The following PCDHA6 variants were observed in gnomAD, a reference collection of about 807,000 sequenced individuals.
PCDHA6 encodes the protein protocadherin alpha-6.
PCDHA6 carries 55 observed loss-of-function variants against 60.3 expected under a neutral mutation model. The observed-to-expected ratio is 0.91, with a 90% CI of 0.73 to 1.14. The LOEUF is 1.14. Among genes scored for constraint, PCDHA6 ranks in the 50% most tolerant of loss-of-function variants. The pLI is 0.00. For missense variants in PCDHA6, 1,327 were observed against 1,256.5 expected (o/e 1.06, Z -0.85); for synonymous variants, 652 against 557.9 (o/e 1.17, Z -2.38).
chr5:140,855,323 G>C lies in PCDHA6; in HGVS notation c.2394+24838G>C, dbSNP rs186152172. The stretch of plus-strand genomic sequence containing the variant: ...TTATAAAATTGGAACATGAGGGAGG[G>C]AGAGGTTAAACGATTTTCCCAAGTC... On this transcript the variant is annotated intron_variant, in intron 1 of 3. Transcript: ENST00000529310. 5.3e-5 allele frequency among the ~76,000 whole-genome samples: 8 copies of C among 149,960 alleles called. 1 individual carries two copies. The highest frequency in any genetic ancestry group is 7.5e-5 in the Non-Finnish European group (5 of 67,078).
chr5:140,938,797 G>A (rs76361474), intron 1 of PCDHA6, among the ~76,000 whole-genome samples: 2 of 151,926 alleles, frequency 1.3e-5, no homozygotes, highest in East Asian at 1.9e-4. Flanking sequence ...TGAAATAATC[G>A]GTACCACAAA....
intron 1 of PCDHA6, among the ~76,000 whole-genome samples, chr5:140,963,536 T>G (rs2095772178): frequency 6.6e-6 from 1 of 152,230 alleles, no homozygotes; most frequent in African/African-American, 2.4e-5. Flanking sequence ...TCCCATTTAC[T>G]TCATGATATA....
At chr5:140,920,855 A>AC (rs1163764054) in intron 1 of PCDHA6, among the ~76,000 whole-genome samples, 5 of 151,976 alleles carry the variant, frequency 3.3e-5, no homozygotes, top group African/African-American at 4.8e-5. Context: ...AAAAAAAAAA[A>AC]AAACAAACAA....
At chr5:140,842,736 G>A in intron 1 of PCDHA6, 1 of 1,594,954 alleles carries the variant, frequency 6.3e-7, no homozygotes, top group South Asian at 1.1e-5. Context: ...CCGCCGGGCT[G>A]CCACATCTTC....
At position 140,878,750 on chromosome 5, in the gene PCDHA6, T is replaced by A. The variant is rs143616284; in HGVS notation, c.2394+48265T>A. ...AGCCTTATATCTACTTTCTTACATATCTTTAGTTTAGGATCTGGAATATAG... is the reference window on the plus strand; with the variant it reads ...AGCCTTATATCTACTTTCTTACATAACTTTAGTTTAGGATCTGGAATATAG... On this transcript the variant is annotated intron_variant, in intron 1 of 3. Coordinates refer to ENST00000529310, the MANE Select transcript of PCDHA6 (RefSeq NM_018909.4). Among the ~76,000 whole-genome samples, 863 of 152,338 alleles carry A rather than the reference T, an allele frequency of 5.7e-3. 5 individuals are homozygous for A. Among genetic ancestry groups the A allele is most frequent in the Middle Eastern group, 0.014 (4 of 294 alleles).
Position 141,011,113 on chromosome 5 carries a change from GAAAC to G in PCDHA6, c.*1179_*1182del, listed in dbSNP as rs1378492452. 6.5e-6 allele frequency: 1 copy of G among 153,504 alleles called. No homozygotes were observed. The highest frequency in any genetic ancestry group is 2.4e-5 in the African/African-American group (1 of 41,342). 9.5% of individuals were successfully genotyped at this position (153,504 alleles called of 1,614,324 possible). A position where few individuals can be genotyped will look rare whatever the true frequency, so the allele number is the denominator to read the frequency against. ...TTCTCTCTCTCTCTCTCTTTTCTAA[GAAAC>G]AATTATGTGCACTTTGATACACAAC... On this transcript the variant is annotated 3_prime_UTR_variant, in exon 4 of 4. Coordinates refer to ENST00000529310, the MANE Select transcript of PCDHA6 (RefSeq NM_018909.4).
At chr5:140,940,994 G>A (rs1375374431) in intron 1 of PCDHA6, among the ~76,000 whole-genome samples, 1 of 152,094 alleles carries the variant, frequency 6.6e-6, no homozygotes, top group Non-Finnish European at 1.5e-5. Context: ...AAGTTTATAG[G>A]ATTAAATTTT....
intron 1 of PCDHA6, among the ~76,000 whole-genome samples, chr5:140,958,345 C>G (rs1220590485): frequency 6.6e-6 from 1 of 152,044 alleles, no homozygotes; most frequent in African/African-American, 2.4e-5. Flanking sequence ...ACAGGAAGTT[C>G]ACAGTCTGAC....
At chr5:140,997,833 A>G (rs2097787444) in intron 3 of PCDHA6, among the ~76,000 whole-genome samples, 1 of 152,230 alleles carries the variant, frequency 6.6e-6, no homozygotes. Flanking sequence ...TCTAAACAAT[A>G]CAATATACAT....
chr5:140,866,677 G>A (rs782218499), intron 1 of PCDHA6: 2 of 152,084 alleles, frequency 1.3e-5, no homozygotes, highest in African/African-American at 2.4e-5. Context: ...AATAGCACTA[G>A]GTCTGTTAGA....
chr5:140,834,255 C>T, intron 1 of PCDHA6: 1 of 936,844 alleles, frequency 1.1e-6, no homozygotes, highest in South Asian at 1.7e-5. Context: ...TGGAAAGACG[C>T]TCCACTCTCT....
intron 1 of PCDHA6, among the ~76,000 whole-genome samples, chr5:140,955,335 A>G (rs538609650): frequency 6.6e-6 from 1 of 152,266 alleles, no homozygotes; most frequent in South Asian, 2.1e-4. Flanking sequence ...AGTTCCCATA[A>G]TCCCCACATG....
intron 1 of PCDHA6, among the ~76,000 whole-genome samples, chr5:140,903,580 G>T (rs2070406453): frequency 6.6e-6 from 1 of 152,154 alleles, no homozygotes; most frequent in South Asian, 2.1e-4. Context: ...CTGTCTAGCT[G>T]GTGTTGGCCT....
chr5:140,937,911 C>CAA lies in PCDHA6; in HGVS notation c.2395-41023_2395-41022dup, dbSNP rs200797202. On this transcript the variant is annotated intron_variant, in intron 1 of 3. Transcript: ENST00000529310. Reference sequence around the variant, plus strand: ...TGGGCGACAGAGTGAGACTCCGTCTCAAAAAAAAAAAAAAAAGTTTAATTT... The same window carrying CAA: ...TGGGCGACAGAGTGAGACTCCGTCTCAAAAAAAAAAAAAAAAAAGTTTAATTT... Among the ~76,000 whole-genome samples, 8 of 117,946 alleles carry CAA rather than the reference C, an allele frequency of 6.8e-5. No individual in the cohort carries two copies. In the East Asian group the frequency reaches 1.1e-3, roughly 17 times the overall value. The allele number at this position is 117,946 out of a possible 152,430, so 77.4% of individuals were successfully genotyped here.
intron 1 of PCDHA6, among the ~76,000 whole-genome samples, chr5:140,965,602 A>G (rs1319736678): frequency 6.6e-6 from 1 of 152,126 alleles, no homozygotes; most frequent in African/African-American, 2.4e-5. Context: ...AGACTCTTGA[A>G]GACATTGTCA....
At chr5:140,869,394 G>C (rs782128248) in intron 1 of PCDHA6, 1 of 1,614,196 alleles carries the variant, frequency 6.2e-7, no homozygotes, top group Non-Finnish European at 8.5e-7. Context: ...AGCTGTGCGG[G>C]CAGAGCGCGG....
chr5:140,926,325 T>C (rs1441503834), intron 1 of PCDHA6: 1 of 151,866 alleles, frequency 6.6e-6, no homozygotes, highest in African/African-American at 2.4e-5. Flanking sequence ...TGCGCCGGGG[T>C]CAGAGCGCCG....
At chr5:140,981,392 G>A (rs565370456) in intron 2 of PCDHA6, among the ~76,000 whole-genome samples, 1 of 152,208 alleles carries the variant, frequency 6.6e-6, no homozygotes, top group South Asian at 2.1e-4. Context: ...TGGTCAATAT[G>A]GTGAAAACCT....
chr5:140,979,130 A>C, intron 2 of PCDHA6, 123 bp downstream of exon 2: 1 of 1,473,242 alleles, frequency 6.8e-7, no homozygotes, highest in Admixed American at 2.7e-5. Flanking sequence ...TTTGCCAGGA[A>C]AATGCAATTA....
Sources: allele counts gnomAD v4.1 joint callset (sites outside exome capture counted in the v4.1 genomes callset), GRCh38; gene constraint gnomAD v4.1.1; transcripts MANE v1.5; gene names NCBI Gene and HGNC (gene_info 2026-07-23, HGNC 2026-07-21).